The following GOLGA4 variants were observed in gnomAD, a reference collection of about 807,000 sequenced individuals.
The protein encoded by GOLGA4 is golgin subfamily A member 4.
In GOLGA4, 169 loss-of-function variants were observed where a neutral mutation model predicts 265.9. The ratio of observed to expected loss-of-function variants is 0.64; its 90% CI spans 0.56 to 0.72. The LOEUF is 0.72. GOLGA4 is among the 30% of genes least tolerant of loss of function. GOLGA4 has a pLI of 0.00. For missense variants in GOLGA4, 2,482 were observed against 2,483.4 expected (o/e 1.00, Z 0.01); for synonymous variants, 923 against 855.8 (o/e 1.08, Z -1.37).
intron 10 of GOLGA4, among the ~76,000 whole-genome samples, chr3:37,307,195 C>T (rs928381876): frequency 6.6e-6 from 1 of 152,116 alleles, no homozygotes; most frequent in African/African-American, 2.4e-5. Flanking sequence ...AAAACTTGGA[C>T]TAACTCATAA....
At chr3:37,263,765 C>G (rs2096776411) in intron 2 of GOLGA4, among the ~76,000 whole-genome samples, 2 of 152,138 alleles carry the variant, frequency 1.3e-5, no homozygotes, top group South Asian at 2.1e-4. Context: ...CTGAGAGTTT[C>G]AAATAGTCTT....
chr3:37,268,884 T>C (rs1308356860), intron 2 of GOLGA4, among the ~76,000 whole-genome samples: 3 of 152,234 alleles, frequency 2.0e-5, no homozygotes, highest in Non-Finnish European at 4.4e-5. Flanking sequence ...CAGAAACTTA[T>C]TTCTCCCAAT....
chr3:37,277,503 C>G (rs1219561268), intron 2 of GOLGA4, among the ~76,000 whole-genome samples: 1 of 152,178 alleles, frequency 6.6e-6, no homozygotes, highest in Non-Finnish European at 1.5e-5. Context: ...ATTCGGAAAT[C>G]TATACTGACC....
chr3:37,276,512 A>G (rs908017534), intron 2 of GOLGA4: 11 of 1,608,194 alleles, frequency 6.8e-6, no homozygotes, highest in Admixed American at 1.7e-5. Context: ...TTGCACTTAC[A>G]CACAGGTACA....
chr3:37,295,424 G>A (rs112273199), intron 6 of GOLGA4, among the ~76,000 whole-genome samples: 2 of 152,176 alleles, frequency 1.3e-5, no homozygotes, highest in African/African-American at 4.8e-5. Flanking sequence ...TCACTATGTC[G>A]CCCAGGCTGG....
chr3:37,281,707 G>A (rs1016480851), intron 2 of GOLGA4, among the ~76,000 whole-genome samples: 1 of 152,166 alleles, frequency 6.6e-6, no homozygotes, highest in Non-Finnish European at 1.5e-5. Context: ...GAAGGAAAGT[G>A]ACTTACTGAA....
intron 2 of GOLGA4, among the ~76,000 whole-genome samples, chr3:37,264,088 C>G (rs1389043377): frequency 6.6e-6 from 1 of 152,178 alleles, no homozygotes; most frequent in African/African-American, 2.4e-5. Flanking sequence ...TCATAGTGTA[C>G]ATTTTTGTTT....
intron 2 of GOLGA4, 64 bp from the exon 3 acceptor site, chr3:37,281,894 T>C (rs1212732362): frequency 3.8e-6 from 4 of 1,044,908 alleles, no homozygotes; most frequent in Non-Finnish European, 5.7e-6. Flanking sequence ...TTGCTGGTGA[T>C]GGGGTAATGG....
intron 1 of GOLGA4, among the ~76,000 whole-genome samples, chr3:37,248,857 G>T (rs904277757): frequency 2.6e-5 from 4 of 152,168 alleles, no homozygotes; most frequent in Admixed American, 6.5e-5. Context: ...CAGTTGGAAG[G>T]TCACTGTCTA....
intron 2 of GOLGA4, among the ~76,000 whole-genome samples, chr3:37,262,957 C>A (rs749725816): frequency 8.5e-5 from 13 of 152,156 alleles, no homozygotes; most frequent in Non-Finnish European, 1.6e-4. Context: ...TGTGGTGATG[C>A]CAGTGGTATA....
chr3:37,298,053 C>T (rs58013245), intron 7 of GOLGA4, among the ~76,000 whole-genome samples: 146 of 152,058 alleles, frequency 9.6e-4, no homozygotes, highest in African/African-American at 3.5e-3. Context: ...GGAATACACA[C>T]CTGTGTAGTA....
At position 37,324,948 on chromosome 3, in the gene GOLGA4, T is replaced by G; in HGVS notation, c.3062T>G (p.Leu1021Arg). 1 of 1,613,486 alleles carries G rather than the reference T, an allele frequency of 6.2e-7. No homozygotes were observed. The change falls in exon 14 of 24, where the codon CTG (leucine) becomes CGG (arginine). Residue 1021 changes from leucine (L) to arginine (R), a missense_variant. Coordinates refer to ENST00000361924, the MANE Select transcript of GOLGA4 (RefSeq NM_002078.5). ...GGAATCAGTGATGCAGTGTCAAGAC[T>G]GGAAACAAACCAAAAAGAACAAATA... ...SAGISDAVSR[L>R]ETNQKEQIES...
chr3:37,366,001 A>G (rs1287674212), intron 23 of GOLGA4, 79 bp from the exon 24 acceptor site: 5 of 1,242,832 alleles, frequency 4.0e-6, no homozygotes, highest in Admixed American at 2.3e-5. Flanking sequence ...TGAAAAAACA[A>G]ATATCCCAAA....
chr3:37,310,063 A>G (rs1225729899), intron 10 of GOLGA4, among the ~76,000 whole-genome samples: 1 of 152,242 alleles, frequency 6.6e-6, no homozygotes, highest in Admixed American at 6.5e-5. Flanking sequence ...TGGGATAAAG[A>G]CAGGCATTGG....
Position 37,324,260 on chromosome 3 carries a change from G to A in GOLGA4, c.2374G>A (p.Glu792Lys), listed in dbSNP as rs1345841510. ...LEADIKRSEG[E>K]LQQASAKLDV... ...GGCAGATATTAAAAGGTCTGAAGGGGAACTCCAGCAGGCATCTGCTAAGCT... is the reference window on the plus strand; with the variant it reads ...GGCAGATATTAAAAGGTCTGAAGGGAAACTCCAGCAGGCATCTGCTAAGCT... The change falls in exon 14 of 24, where the codon GAA (glutamate) becomes AAA (lysine). Residue 792 changes from glutamate to lysine, a missense_variant. Physicochemically the swap from Glu to Lys is moderately conservative, Grantham distance 56 (BLOSUM62 1). Around this residue, in one of 3 missense-constraint regions of GOLGA4, gnomAD observed 1,536 missense variants for 1,483.7 expected, o/e 1.04. Transcript: ENST00000361924. 1 of 1,614,162 alleles carries A rather than the reference G, an allele frequency of 6.2e-7. No individual in the cohort carries two copies. The highest frequency in any genetic ancestry group is 1.1e-5 in the South Asian group (1 of 91,074).
intron 11 of GOLGA4, among the ~76,000 whole-genome samples, chr3:37,316,832 T>C (rs2096939017): frequency 6.6e-6 from 1 of 152,126 alleles, no homozygotes. Flanking sequence ...GATGGATTTA[T>C]TAGGCTTTCC....
At chr3:37,331,430 G>T (rs182555581) in intron 16 of GOLGA4, among the ~76,000 whole-genome samples, 2 of 152,166 alleles carry the variant, frequency 1.3e-5, no homozygotes, top group South Asian at 2.1e-4. Flanking sequence ...TTATCCCAAA[G>T]AAATTTTTTA....
In GOLGA4 at chr3:37,325,678, G is replaced by C; in HGVS notation, c.3792G>C (p.Leu1264=). The C allele has an allele frequency of 6.2e-7, 1 of 1,613,838 alleles. No individual in the cohort carries two copies. The highest frequency in any genetic ancestry group is 8.5e-7 in the Non-Finnish European group (1 of 1,179,764). The change falls in exon 14 of 24, where the codon CTG becomes CTC. Residue 1264 remains leucine (L), a synonymous_variant. Coordinates refer to ENST00000361924, the MANE Select transcript of GOLGA4 (RefSeq NM_002078.5). ...GTACAACTAAAGTTAAGGAGGCACT[G>C]TTAATTAAAACTTGCACAGTTTCTG... is the stretch of plus-strand genomic sequence containing the variant. ...QHRTTKVKEA[L]LIKTCTVSEL...
In GOLGA4 at chr3:37,328,556, C is replaced by CA; in HGVS notation, c.6061+20dup. 1 of 1,600,664 alleles carries CA rather than the reference C, an allele frequency of 6.2e-7. No individual in the cohort carries two copies. The highest frequency in any genetic ancestry group is 8.5e-7 in the Non-Finnish European group (1 of 1,171,998). ...ACTATCAGTAAGTAAAATTAAGTTC[C>CA]ATAAGGAACAATTATATCAGCAGAG... is the stretch of plus-strand genomic sequence containing the variant. On this transcript the variant is annotated intron_variant, in intron 15 of 23. Transcript: ENST00000361924.
Sources: allele counts gnomAD v4.1 joint callset (sites outside exome capture counted in the v4.1 genomes callset), GRCh38; gene constraint gnomAD v4.1.1; regional missense constraint gnomAD v4.1.1; transcripts MANE v1.5; gene names NCBI Gene and HGNC (gene_info 2026-07-23, HGNC 2026-07-21).